Variants in SPRED2 observed in about 807,000 individuals in gnomAD.
SPRED2 encodes sprouty related EVH1 domain containing 2, also known as sprouty-related, EVH1 domain-containing protein 2.
In SPRED2, 47 loss-of-function variants were observed where a neutral mutation model predicts 43.0. The ratio of observed to expected loss-of-function variants is 1.09; its 90% CI spans 0.87 to 1.40. The LOEUF is 1.40. SPRED2 is among the 40% of genes most tolerant of loss of function. The pLI is 0.00. For synonymous variants in SPRED2, 225 were observed against 225.7 expected, an observed-to-expected ratio of 1.00 and a Z score of 0.03; for missense variants, 561 against 586.4, an observed-to-expected ratio of 0.96 and a Z score of 0.45.
At chr2:65,329,983 C>A (rs936179460) in intron 4 of SPRED2, among the ~76,000 whole-genome samples, 9 of 152,194 alleles carry the variant, frequency 5.9e-5, no homozygotes, top group African/African-American at 1.7e-4. Flanking sequence ...CTGCTTCCAC[C>A]TTTGCCCCTG....
At chr2:65,352,740 CA>C (rs1450610525) in intron 1 of SPRED2, among the ~76,000 whole-genome samples, 1 of 152,222 alleles carries the variant, frequency 6.6e-6, no homozygotes, top group East Asian at 1.9e-4. Flanking sequence ...TCTCCTGCCT[CA>C]GCCTCTCGAG....
intron 1 of SPRED2, among the ~76,000 whole-genome samples, chr2:65,389,876 A>T (rs984379774): frequency 6.6e-6 from 1 of 152,244 alleles, no homozygotes; most frequent in African/African-American, 2.4e-5. Context: ...ATACACTTTT[A>T]AAAAATGGAA....
chr2:65,427,475 CA>C (rs1676584020), intron 1 of SPRED2, among the ~76,000 whole-genome samples: 1 of 152,176 alleles, frequency 6.6e-6, no homozygotes, highest in Admixed American at 6.5e-5. Flanking sequence ...CTTTTTAAGG[CA>C]AACACAAAGA....
At chr2:65,428,528 T>C (rs1225795800) in intron 1 of SPRED2, among the ~76,000 whole-genome samples, 1 of 152,240 alleles carries the variant, frequency 6.6e-6, no homozygotes, top group Non-Finnish European at 1.5e-5. Context: ...CAGAACAGTA[T>C]TTTTATCTCT....
In SPRED2 at chr2:65,321,085, C is replaced by T. The variant is rs76679005; in HGVS notation, c.439-4202G>A. Among the ~76,000 whole-genome samples the T allele has an allele frequency of 3.6e-3, 554 of 152,310 alleles. 4 individuals are homozygous for T. Among genetic ancestry groups the T allele is most frequent in the African/African-American group, 0.013 (526 of 41,574 alleles). ...TTGCTCTCCAGTGGGGGTCTAAGAA[C>T]TGTTAGGGCTTTGAAGAACAAAAGC... On this transcript the variant is annotated intron_variant, in intron 4 of 5. Transcript: ENST00000356388.
intron 1 of SPRED2, among the ~76,000 whole-genome samples, chr2:65,370,732 T>C (rs1375190452): frequency 6.6e-6 from 1 of 152,156 alleles, no homozygotes; most frequent in African/African-American, 2.4e-5. Flanking sequence ...TGTCTTGCGG[T>C]AGGAGGGGAA....
chr2:65,401,084 C>T (rs559428254), intron 1 of SPRED2, among the ~76,000 whole-genome samples: 2 of 152,192 alleles, frequency 1.3e-5, no homozygotes, highest in South Asian at 4.2e-4. Flanking sequence ...TCTTCTGCCT[C>T]TACCTCCTGA....
At chr2:65,390,786 C>T (rs1675615860) in intron 1 of SPRED2, among the ~76,000 whole-genome samples, 1 of 152,108 alleles carries the variant, frequency 6.6e-6, no homozygotes, top group Non-Finnish European at 1.5e-5. Flanking sequence ...ATTTTATCAT[C>T]AGAAAATCTA....
At chr2:65,328,286 G>A (rs1439605422) in intron 4 of SPRED2, among the ~76,000 whole-genome samples, 1 of 152,176 alleles carries the variant, frequency 6.6e-6, no homozygotes, top group Non-Finnish European at 1.5e-5. Context: ...CAGTTTAAAT[G>A]CACATCGTTT....
rs1282197523 is a variant in SPRED2, at chr2:65,432,587, G to A, written c.-600C>T. The A allele has an allele frequency of 3.3e-5, 5 of 152,266 alleles. No individual in the cohort carries two copies. The South Asian group carries it at 6.2e-4, about 19-fold the overall frequency. 9.4% of individuals were successfully genotyped at this position (152,266 alleles called of 1,614,324 possible). A position where few individuals can be genotyped will look rare whatever the true frequency, so the allele number is the denominator to read the frequency against. ...CGATGACGTCTTCCCAGCGGCCAGAGGTGGTGGAGTGCAAAAAGCTTCCTA... is the reference window on the plus strand; with the variant it reads ...CGATGACGTCTTCCCAGCGGCCAGAAGTGGTGGAGTGCAAAAAGCTTCCTA... On this transcript the variant is annotated 5_prime_UTR_variant, in exon 1 of 6. Transcript: ENST00000356388.
chr2:65,309,972 A>T (rs1673026277), downstream of SPRED2, among the ~76,000 whole-genome samples: 1 of 152,124 alleles, frequency 6.6e-6, no homozygotes. Context: ...GCCTCCTGGG[A>T]CCGCAGTTTA....
chr2:65,399,173 G>A (rs1240818532), intron 1 of SPRED2, among the ~76,000 whole-genome samples: 2 of 151,356 alleles, frequency 1.3e-5, no homozygotes, highest in Non-Finnish European at 2.9e-5. Flanking sequence ...GGGAGGCTGA[G>A]GTAGGAGAAT....
intron 1 of SPRED2, among the ~76,000 whole-genome samples, chr2:65,430,480 GT>G (rs1226891983): frequency 1.3e-5 from 2 of 152,202 alleles, no homozygotes; most frequent in Non-Finnish European, 2.9e-5. Context: ...GATAAAGGGG[GT>G]ATATTTAATA....
chr2:65,405,230 T>G (rs1487665396), intron 1 of SPRED2, among the ~76,000 whole-genome samples: 3 of 152,348 alleles, frequency 2.0e-5, no homozygotes, highest in Admixed American at 1.3e-4. Flanking sequence ...AATGACCTTC[T>G]TATGGTACTT....
chr2:65,332,162 A>C, intron 3 of SPRED2, 111 bp from the exon 4 acceptor site: 1 of 605,252 alleles, frequency 1.7e-6, no homozygotes, highest in Non-Finnish European at 2.8e-6. Flanking sequence ...TTGCATGTGA[A>C]TTACCAACAG....
chr2:65,355,018 G>A (rs370971930), intron 1 of SPRED2, among the ~76,000 whole-genome samples: 3 of 152,234 alleles, frequency 2.0e-5, no homozygotes, highest in Non-Finnish European at 2.9e-5. Context: ...GGCCTGGGGG[G>A]ACTGGCAGGA....
intron 1 of SPRED2, among the ~76,000 whole-genome samples, chr2:65,401,390 C>G (rs1212468814): frequency 6.6e-6 from 1 of 152,188 alleles, no homozygotes; most frequent in African/African-American, 2.4e-5. Context: ...CCCCAGGTGA[C>G]TCACATGCAT....
At chr2:65,400,172 CT>C (rs1675851182) in intron 1 of SPRED2, among the ~76,000 whole-genome samples, 1 of 152,172 alleles carries the variant, frequency 6.6e-6, no homozygotes. Flanking sequence ...AATCCTCCCC[CT>C]CAATCCTTCT....
chr2:65,419,036 G>C (rs1395365695), intron 1 of SPRED2, among the ~76,000 whole-genome samples: 1 of 152,154 alleles, frequency 6.6e-6, no homozygotes, highest in African/African-American at 2.4e-5. Context: ...GTCTAGGGAT[G>C]CTGACAATCT....
Sources: gnomAD v4.1 joint callset for allele counts (sites outside exome capture counted in the v4.1 genomes callset) on GRCh38, gnomAD v4.1.1 for gene constraint, MANE v1.5 for transcripts, NCBI Gene and HGNC (gene_info 2026-07-23, HGNC 2026-07-21) for gene names.